The following KCNQ5 variants were observed in gnomAD, a reference collection of about 807,000 sequenced individuals.
KCNQ5 encodes the protein potassium voltage-gated channel subfamily Q member 5.
KCNQ5 carries 30 observed loss-of-function variants against 98.2 expected under a neutral mutation model. That is an observed-to-expected ratio of 0.31 (90% confidence interval 0.23 to 0.41). The LOEUF (loss-of-function observed/expected upper bound fraction) is 0.41. Among genes scored for constraint, KCNQ5 ranks in the 10% least tolerant of loss-of-function variants. The pLI is 1.00. For missense variants in KCNQ5, 835 were observed against 1,182.5 expected (o/e 0.71, Z 4.31); for synonymous variants, 458 against 449.4 (o/e 1.02, Z -0.24).
At chr6:73,102,249 T>C (rs1774809502) in intron 5 of KCNQ5, among the ~76,000 whole-genome samples, 1 of 152,064 alleles carries the variant, frequency 6.6e-6, no homozygotes, top group South Asian at 2.1e-4. Flanking sequence ...AAAAATCAAA[T>C]CAAAATGGGA....
chr6:72,727,770 G>A (rs1770361596), intron 1 of KCNQ5, among the ~76,000 whole-genome samples: 1 of 138,718 alleles, frequency 7.2e-6, no homozygotes, highest in South Asian at 2.3e-4. Flanking sequence ...GCTGATCTAG[G>A]CTGCCTTCAG....
At chr6:73,064,317 G>C (rs1290567991) in intron 3 of KCNQ5, among the ~76,000 whole-genome samples, 1 of 152,104 alleles carries the variant, frequency 6.6e-6, no homozygotes, top group Admixed American at 6.5e-5. Flanking sequence ...TAACTGCTTA[G>C]AGTAAGTGCA....
At chr6:72,626,889 TG>T (rs1297754321) in intron 1 of KCNQ5, among the ~76,000 whole-genome samples, 6 of 152,136 alleles carry the variant, frequency 3.9e-5, no homozygotes, top group Non-Finnish European at 8.8e-5. Context: ...GTCTGACATG[TG>T]GTATGAGGAA....
At chr6:73,190,736 G>A (rs1488349664) in intron 12 of KCNQ5, 32 bp downstream of exon 12, 6 of 1,479,462 alleles carry the variant, frequency 4.1e-6, no homozygotes, top group Non-Finnish European at 5.5e-6. Context: ...CCTTGTAAAG[G>A]AATGGGCATA....
At chr6:72,655,711 A>C (rs1766156681) in intron 1 of KCNQ5, among the ~76,000 whole-genome samples, 1 of 152,178 alleles carries the variant, frequency 6.6e-6, no homozygotes, top group African/African-American at 2.4e-5. Flanking sequence ...GAGTGCTATC[A>C]TGAGGAAATT....
chr6:72,930,438 T>C (rs1219544860), intron 1 of KCNQ5, among the ~76,000 whole-genome samples: 1 of 152,134 alleles, frequency 6.6e-6, no homozygotes, highest in Non-Finnish European at 1.5e-5. Flanking sequence ...CTTGGCTTTC[T>C]AAATCATGTT....
At chr6:72,868,830 A>C (rs1778094044) in intron 1 of KCNQ5, among the ~76,000 whole-genome samples, 1 of 152,198 alleles carries the variant, frequency 6.6e-6, no homozygotes, top group Non-Finnish European at 1.5e-5. Flanking sequence ...ATAGGGATTC[A>C]AGTACAAGAA....
chr6:73,167,854 C>T (rs1182011620), intron 10 of KCNQ5, among the ~76,000 whole-genome samples: 1 of 152,140 alleles, frequency 6.6e-6, no homozygotes, highest in Non-Finnish European at 1.5e-5. Flanking sequence ...TCCAGCCCTT[C>T]TATAAGGTCG....
chr6:73,116,587 G>A (rs966825376), intron 7 of KCNQ5, among the ~76,000 whole-genome samples: 3 of 152,164 alleles, frequency 2.0e-5, no homozygotes, highest in African/African-American at 7.2e-5. Flanking sequence ...GAAGCCAGAG[G>A]ATTGGTTGAG....
At chr6:73,006,827 T>C (rs1048942697) in intron 2 of KCNQ5, among the ~76,000 whole-genome samples, 3 of 152,168 alleles carry the variant, frequency 2.0e-5, no homozygotes, top group Non-Finnish European at 2.9e-5. Context: ...TCCCTTTTGG[T>C]TTTTTTAACA....
Position 73,194,936 on chromosome 6 carries a change from A to C in KCNQ5, c.2321A>C (p.Gln774Pro). The part of the protein sequence containing the change: ...ETLHPNPAGL[Q>P]ESISDVTTCL... ...CTGCACCCTAACCCTGCAGGCTTAC[A>C]GGAAAGCATTTCTGACGTCACCACC... Residue 774 changes from glutamine (Q) to proline (P), a missense_variant, in exon 14 of 14, where the codon CAG becomes CCG. Gln to Pro is a moderately conservative substitution (Grantham distance 76). Transcript: ENST00000370398. The C allele has an allele frequency of 1.2e-6, 2 of 1,614,204 alleles. No homozygotes were observed. Among genetic ancestry groups the C allele is most frequent in the Non-Finnish European group, 1.7e-6 (2 of 1,180,042 alleles).
intron 1 of KCNQ5, among the ~76,000 whole-genome samples, chr6:72,764,265 C>G (rs1031038120): frequency 6.6e-6 from 1 of 151,904 alleles, no homozygotes; most frequent in Non-Finnish European, 1.5e-5. Flanking sequence ...AACCAACCAA[C>G]CAACAAACAA....
chr6:72,816,645 C>A (rs1292324493), intron 1 of KCNQ5, among the ~76,000 whole-genome samples: 2 of 152,168 alleles, frequency 1.3e-5, no homozygotes, highest in Non-Finnish European at 2.9e-5. Flanking sequence ...ATTAACGTAA[C>A]AATTAACATG....
At chr6:72,869,146 T>C (rs1778104719) in intron 1 of KCNQ5, among the ~76,000 whole-genome samples, 1 of 152,102 alleles carries the variant, frequency 6.6e-6, no homozygotes. Context: ...TTTTAAAAAT[T>C]AAAAAGAAAG....
At chr6:73,148,949 T>C (rs934034200) in intron 10 of KCNQ5, among the ~76,000 whole-genome samples, 3 of 152,182 alleles carry the variant, frequency 2.0e-5, no homozygotes, top group Non-Finnish European at 4.4e-5. Flanking sequence ...TAGTTTTTTG[T>C]TTTTTGTGTC....
chr6:72,741,821 G>A (rs542244500), intron 1 of KCNQ5, among the ~76,000 whole-genome samples: 92 of 152,264 alleles, frequency 6.0e-4, no homozygotes, highest in Non-Finnish European at 4.7e-4. Context: ...CCTGGTGGTA[G>A]TTTCTGTCTT....
chr6:72,713,022 A>G (rs1460772589), intron 1 of KCNQ5, among the ~76,000 whole-genome samples: 2 of 152,192 alleles, frequency 1.3e-5, no homozygotes, highest in Non-Finnish European at 2.9e-5. Context: ...GATGTATTTT[A>G]GGTGCTCAGT....
At chr6:72,894,953 C>T (rs965986585) in intron 1 of KCNQ5, among the ~76,000 whole-genome samples, 3 of 151,866 alleles carry the variant, frequency 2.0e-5, no homozygotes, top group South Asian at 2.1e-4. Flanking sequence ...TCCATGAGCA[C>T]GTGTGCACAC....
chr6:73,056,282 A>C (rs1045040377), intron 3 of KCNQ5, among the ~76,000 whole-genome samples: 9 of 152,220 alleles, frequency 5.9e-5, no homozygotes, highest in Admixed American at 5.9e-4. Flanking sequence ...TCCCAGTGGA[A>C]GATGAATGTA....
Sources: allele counts gnomAD v4.1 joint callset (sites outside exome capture counted in the v4.1 genomes callset), GRCh38; gene constraint gnomAD v4.1.1; transcripts MANE v1.5; gene names NCBI Gene and HGNC (gene_info 2026-07-23, HGNC 2026-07-21).